PNPT1: variants seen among roughly 807,000 people sequenced by gnomAD.
PNPT1 encodes polyribonucleotide nucleotidyltransferase 1.
PNPT1 carries 53 observed loss-of-function variants against 119.5 expected under a neutral mutation model. The observed-to-expected ratio is 0.44, with a 90% CI of 0.36 to 0.56. PNPT1 has a LOEUF of 0.56. Ranked by LOEUF, PNPT1 falls within the 20% of genes least tolerant of loss-of-function variation. The pLI is 0.00. For synonymous variants in PNPT1, 357 were observed against 322.1 expected (o/e 1.11, Z -1.16); for missense variants, 948 against 938.5 (o/e 1.01, Z -0.13).
intron 9 of PNPT1, 25 bp downstream of exon 9, chr2:55,672,860 ATTTCATAT>A (rs1311089537): frequency 2.6e-6 from 4 of 1,541,126 alleles, no homozygotes; most frequent in Non-Finnish European, 3.5e-6. Context: ...TCTGATGACA[ATTTCATAT>A]TTTCATTTGC....
Position 55,672,882 on chromosome 2 carries a change from G to A in PNPT1, c.866+11C>T. ...ACAATTTCATATTTTCATTTGCACA[G>A]ATGTTCTTACTTATGAGTATATTTC... On this transcript the variant is annotated intron_variant, in intron 9 of 27. Coordinates refer to ENST00000447944, the MANE Select transcript of PNPT1 (RefSeq NM_033109.5). The A allele has an allele frequency of 1.3e-6, 2 of 1,575,736 alleles. No homozygotes were observed. The highest frequency in any genetic ancestry group is 1.2e-5 in the South Asian group (1 of 84,520).
intron 27 of PNPT1, among the ~76,000 whole-genome samples, chr2:55,636,706 G>A (rs765806420): frequency 2.0e-5 from 3 of 152,272 alleles, no homozygotes; most frequent in Non-Finnish European, 2.9e-5. Context: ...TCCTAGACAA[G>A]GGCTTTGAGA....
intron 14 of PNPT1, among the ~76,000 whole-genome samples, chr2:55,660,590 G>A (rs1696533888): frequency 6.6e-6 from 1 of 152,122 alleles, no homozygotes; most frequent in Non-Finnish European, 1.5e-5. Flanking sequence ...CCTGGGATGG[G>A]GCAGAATCTG....
intron 11 of PNPT1, among the ~76,000 whole-genome samples, chr2:55,668,629 T>C (rs1321766553): frequency 6.6e-6 from 1 of 152,092 alleles, no homozygotes. Flanking sequence ...GACGGAGTTT[T>C]GCTCTTGTTG....
rs1697222170 is a variant in PNPT1, at chr2:55,680,736, C to G, written c.541G>C (p.Asp181His). Residue 181 changes from aspartate to histidine, a missense_variant, in exon 7 of 28, where the codon GAT becomes CAT. Asp to His is a moderately conservative substitution (Grantham distance 81). Transcript: ENST00000447944. ...CCAACAGGTCCATTCCAAGGAATATCTGATAATGAGAGGGCTACGGAAGCT... is the reference window on the plus strand; with the variant it reads ...CCAACAGGTCCATTCCAAGGAATATGTGATAATGAGAGGGCTACGGAAGCT... ...NGASVALSLS[D>H]IPWNGPVGAV... is the part of the protein sequence containing the mutation. 1 of 1,613,350 alleles carries G rather than the reference C, an allele frequency of 6.2e-7. No individual in the cohort carries two copies. Among genetic ancestry groups the G allele is most frequent in the Non-Finnish European group, 8.5e-7 (1 of 1,179,808 alleles).
chr2:55,671,458 A>C, intron 10 of PNPT1, 82 bp from the exon 11 acceptor site: 1 of 798,684 alleles, frequency 1.3e-6, no homozygotes, highest in Non-Finnish European at 1.9e-6. Context: ...TACAATGAAC[A>C]CATTGTGAAT....
At chr2:55,646,380 T>C in intron 20 of PNPT1, 35 bp downstream of exon 20, 1 of 1,604,104 alleles carries the variant, frequency 6.2e-7, no homozygotes, top group Non-Finnish European at 8.5e-7. Flanking sequence ...TATTTAAATG[T>C]TACAAAAATG....
chr2:55,684,756 A>G (rs1346614953), intron 4 of PNPT1, among the ~76,000 whole-genome samples, 187 bp downstream of exon 4: 1 of 152,266 alleles, frequency 6.6e-6, no homozygotes, highest in Non-Finnish European at 1.5e-5. Flanking sequence ...TTCAACCCTG[A>G]AGAAATAAAA....
chr2:55,643,075 C>T (rs1174123822), intron 25 of PNPT1, 83 bp downstream of exon 25: 69 of 1,428,142 alleles, frequency 4.8e-5, no homozygotes, highest in Admixed American at 8.7e-5. Context: ...AATGGCACCA[C>T]TGTATCCCAC....
At chr2:55,671,229 T>C in intron 11 of PNPT1, 90 bp downstream of exon 11, 2 of 611,638 alleles carry the variant, frequency 3.3e-6, no homozygotes, top group Non-Finnish European at 2.6e-6. Flanking sequence ...CTTTCCTCTT[T>C]GACCTTTAAT....
At chr2:55,661,246 T>C (rs1034409596) in intron 14 of PNPT1, among the ~76,000 whole-genome samples, 15 of 151,726 alleles carry the variant, frequency 9.9e-5, no homozygotes, top group African/African-American at 3.6e-4. Context: ...GTGCCCACCA[T>C]CACGCCCAGC....
At chr2:55,652,798 A>G (rs969685863) in intron 18 of PNPT1, among the ~76,000 whole-genome samples, 6 of 152,256 alleles carry the variant, frequency 3.9e-5, no homozygotes, top group African/African-American at 1.4e-4. Flanking sequence ...TGAATTAACT[A>G]TGGCATGACT....
chr2:55,645,570 A>T, intron 21 of PNPT1, 138 bp from the exon 22 acceptor site: 1 of 561,586 alleles, frequency 1.8e-6, no homozygotes. Flanking sequence ...TTACCTTGAA[A>T]ATTCACTCAT....
At chr2:55,689,381 G>A (rs918534525) in intron 1 of PNPT1, among the ~76,000 whole-genome samples, 2 of 152,176 alleles carry the variant, frequency 1.3e-5, no homozygotes, top group South Asian at 2.1e-4. Flanking sequence ...CCAAATCACA[G>A]TGAATACCAC....
rs200088200 is a variant in PNPT1 at position 55,656,211 on chromosome 2, G to C, written c.1361C>G (p.Ala454Gly). 5.1e-5 allele frequency: 83 copies of C among 1,613,036 alleles called. No individual in the cohort carries two copies. The highest frequency in any genetic ancestry group is 6.2e-5 in the Non-Finnish European group (73 of 1,179,574). Reference protein sequence around the residue: ...NRRELGHGALAEKALYPVIPR... With the variant: ...NRRELGHGALGEKALYPVIPR... ...AATAACAGGATACAAAGCTTTCTCA[G>C]CAAGAGCACCTAAATTAGAATAGAA... is the stretch of plus-strand genomic sequence containing the variant. The change falls in exon 17 of 28, where the codon GCT becomes GGT. Residue 454 changes from alanine to glycine, a missense_variant. Ala to Gly is a moderately conservative substitution (Grantham distance 60). Transcript: ENST00000447944.
Position 55,671,356 on chromosome 2 carries a change from A to T in PNPT1, c.939T>A (p.Val313=). Residue 313 remains valine, a synonymous_variant, in exon 11 of 28, where the codon GTT becomes GTA. Coordinates refer to ENST00000447944, the MANE Select transcript of PNPT1 (RefSeq NM_033109.5). ...CCTCCGTATCTAATCTTATTTTGTT[A>T]ACAGCTTCATCTCTGGAAACCTAAA... ...EHDKVSRDEA[V]NKIRLDTEEQ... 1 of 1,539,116 alleles carries T rather than the reference A, an allele frequency of 6.5e-7. No homozygotes were observed. The highest frequency in any genetic ancestry group is 8.8e-7 in the Non-Finnish European group (1 of 1,140,000).
At chr2:55,685,100 T>C (rs1369356059) in intron 3 of PNPT1, 52 bp from the exon 4 acceptor site, 1 of 1,361,636 alleles carries the variant, frequency 7.3e-7, no homozygotes, top group East Asian at 2.4e-5. Context: ...AGAAACAAAC[T>C]ATACTGTATG....
chr2:55,668,999 A>G (rs897734555), intron 11 of PNPT1, among the ~76,000 whole-genome samples: 2 of 152,186 alleles, frequency 1.3e-5, no homozygotes, highest in Non-Finnish European at 2.9e-5. Context: ...AATCCCTACA[A>G]ACTGTTTTCT....
chr2:55,679,804 T>C lies in PNPT1; in HGVS notation c.566-9A>G. 1 of 1,564,500 alleles carries C rather than the reference T, an allele frequency of 6.4e-7. No homozygotes were observed. The highest frequency in any genetic ancestry group is 1.2e-5 in the South Asian group (1 of 86,636). ...TCCTATTCGTACTGCCCCTAAAATG[T>C]ATTAGAATATTGGCAACTGTTTAAT... is the stretch of plus-strand genomic sequence containing the variant. On this transcript the variant is annotated splice_polypyrimidine_tract_variant and intron_variant, in intron 7 of 27. Coordinates refer to ENST00000447944, the MANE Select transcript of PNPT1 (RefSeq NM_033109.5).
Sources: allele counts gnomAD v4.1 joint callset (sites outside exome capture counted in the v4.1 genomes callset), GRCh38; gene constraint gnomAD v4.1.1; transcripts MANE v1.5; gene names NCBI Gene and HGNC (gene_info 2026-07-23, HGNC 2026-07-21).